TGDS: variants seen among roughly 807,000 people sequenced by gnomAD.
The protein encoded by TGDS is TDP-glucose 4,6-dehydratase.
A neutral mutation model predicts 52.3 loss-of-function variants in TGDS; 47 were observed. The ratio of observed to expected loss-of-function variants is 0.90; its 90% CI spans 0.71 to 1.15. TGDS has a LOEUF of 1.15. Ranked by LOEUF, TGDS falls within the 50% of genes most tolerant of loss-of-function variation. The pLI, the probability that TGDS is intolerant of heterozygous loss-of-function variation, is 0.00. For synonymous variants in TGDS, 115 were observed against 136.9 expected (o/e 0.84, Z 1.12); for missense variants, 375 against 418.4 (o/e 0.90, Z 0.90).
chr13:94,581,197 TAA>T lies in TGDS; in HGVS notation c.457-10_457-9del. The T allele has an allele frequency of 6.7e-7, 1 of 1,502,740 alleles. No individual in the cohort carries two copies. Among genetic ancestry groups the T allele is most frequent in the Non-Finnish European group, 9.0e-7 (1 of 1,105,268 alleles). 93.1% of individuals were successfully genotyped at this position (1,502,740 alleles called of 1,614,324 possible). A position where few individuals can be genotyped will look rare whatever the true frequency, so the allele number is the denominator to read the frequency against. On this transcript the variant is annotated splice_polypyrimidine_tract_variant and intron_variant, in intron 5 of 11. Transcript: ENST00000261296. Reference sequence around the variant, plus strand: ...TGAAGATTCATCAAATTCCTATTTTTAAAAATATATATTTAAAAAAGTGTTAT... The same window carrying T: ...TGAAGATTCATCAAATTCCTATTTTTAAATATATATTTAAAAAAGTGTTAT...
chr13:94,594,770 CGGA>C (rs1248785492), intron 1 of TGDS, among the ~76,000 whole-genome samples: 2 of 152,098 alleles, frequency 1.3e-5, no homozygotes, highest in African/African-American at 4.8e-5. Flanking sequence ...AATGACTTGT[CGGA>C]TTAGAAGGGG....
Position 94,583,074 on chromosome 13 carries a change from T to G in TGDS, c.456+20A>C, listed in dbSNP as rs1475452169. 3 of 1,609,274 alleles carry G rather than the reference T, an allele frequency of 1.9e-6. No individual in the cohort carries two copies. The South Asian group carries it at 3.3e-5, about 18-fold the overall frequency. Reference sequence around the variant, plus strand: ...ATGGTACATGGTTAAGTAGGTAAAATATACATTTTCTAAGCTCACCTTATC... The same window carrying G: ...ATGGTACATGGTTAAGTAGGTAAAAGATACATTTTCTAAGCTCACCTTATC... On this transcript the variant is annotated intron_variant, in intron 5 of 11. Coordinates refer to ENST00000261296, the MANE Select transcript of TGDS (RefSeq NM_014305.4).
intron 4 of TGDS, among the ~76,000 whole-genome samples, chr13:94,587,515 C>T (rs1324801596): frequency 1.3e-5 from 2 of 151,922 alleles, no homozygotes; most frequent in African/African-American, 4.8e-5. Flanking sequence ...CAAAAGCATA[C>T]GTATATAAAC....
chr13:94,574,745 T>G lies in TGDS; in HGVS notation c.*37A>C, dbSNP rs746258801. On this transcript the variant is annotated 3_prime_UTR_variant, in exon 12 of 12. Transcript: ENST00000261296. ...ACCACTTGGCGAGGTAGGATAACTT[T>G]CTTCTTTGACAACTGTCTCGACTAT... 7.3e-7 allele frequency: 1 copy of G among 1,368,766 alleles called. No individual in the cohort carries two copies. The highest frequency in any genetic ancestry group is 1.0e-6 in the Non-Finnish European group (1 of 972,924). The allele number at this position is 1,368,766 out of a possible 1,614,324, so 84.8% of individuals were successfully genotyped here.
intron 2 of TGDS, 83 bp from the exon 3 acceptor site, chr13:94,592,392 A>G: frequency 9.6e-7 from 1 of 1,039,486 alleles, no homozygotes; most frequent in Non-Finnish European, 1.4e-6. Context: ...TTTAAAGACT[A>G]CAGATGTTAC....
chr13:94,583,031 G>T, intron 5 of TGDS, 63 bp downstream of exon 5: 2 of 1,562,176 alleles, frequency 1.3e-6, no homozygotes, highest in East Asian at 2.2e-5. Context: ...CCCAGTGTAG[G>T]TTTAATAAAA....
At chr13:94,583,575 A>C (rs924457718) in intron 4 of TGDS, among the ~76,000 whole-genome samples, 1 of 152,222 alleles carries the variant, frequency 6.6e-6, no homozygotes, top group Non-Finnish European at 1.5e-5. Flanking sequence ...TTTTAAGATC[A>C]ATCTGTTACT....
chr13:94,588,387 C>T (rs1889074175), intron 4 of TGDS, among the ~76,000 whole-genome samples: 1 of 123,830 alleles, frequency 8.1e-6, no homozygotes. Flanking sequence ...CATGCCATTG[C>T]ACTCCAGCCT....
chr13:94,581,536 C>T (rs1469446539), intron 5 of TGDS, among the ~76,000 whole-genome samples: 1 of 152,190 alleles, frequency 6.6e-6, no homozygotes. Flanking sequence ...TGATTTTGAG[C>T]AGAGTAATGC....
intron 1 of TGDS, 30 bp downstream of exon 1, chr13:94,596,021 C>A: frequency 6.2e-7 from 1 of 1,613,532 alleles, no homozygotes; most frequent in South Asian, 1.1e-5. Flanking sequence ...TCTGGGGAGC[C>A]ACTGCTTGGC....
intron 10 of TGDS, among the ~76,000 whole-genome samples, chr13:94,576,781 A>G (rs550119230): frequency 6.6e-6 from 1 of 152,318 alleles, no homozygotes; most frequent in East Asian, 1.9e-4. Flanking sequence ...CACATTATAA[A>G]TAAGTGTTAG....
Position 94,574,380 on chromosome 13 carries a change from C to A in TGDS, c.*402G>T, listed in dbSNP as rs183516782. The A allele has an allele frequency of 1.6e-3, 253 of 157,528 alleles. 1 individual carries two copies. The highest frequency in any genetic ancestry group is 2.7e-3 in the Non-Finnish European group (197 of 71,798). The allele number at this position is 157,528 out of a possible 1,614,324, so 9.8% of individuals were successfully genotyped here. A position where few individuals can be genotyped will look rare whatever the true frequency, so the allele number is the denominator to read the frequency against. On this transcript the variant is annotated 3_prime_UTR_variant, in exon 12 of 12. Coordinates refer to ENST00000261296, the MANE Select transcript of TGDS (RefSeq NM_014305.4). Reference sequence around the variant, plus strand: ...TAAAAAAGAAATGGTGAATTAGGGCCTAAGACATCCTATATTGCCTAAAAA... The same window carrying A: ...TAAAAAAGAAATGGTGAATTAGGGCATAAGACATCCTATATTGCCTAAAAA...
chr13:94,577,573 C>T, intron 9 of TGDS, 144 bp from the exon 10 acceptor site: 1 of 617,322 alleles, frequency 1.6e-6, no homozygotes, highest in Non-Finnish European at 2.7e-6. Flanking sequence ...GTAACACTTT[C>T]TATACTTTAT....
rs771002382 is a variant in TGDS, at chr13:94,596,100, G to A, written c.37C>T (p.Pro13Ser). Residue 13 changes from proline to serine, a missense_variant, in exon 1 of 12, where the codon CCC becomes TCC. Pro to Ser is a moderately conservative substitution (Grantham distance 74, BLOSUM62 -1). Transcript: ENST00000261296. Reference protein sequence around the residue: ...AACWEEPWGLPGGFAKRVLVT... With the variant: ...AACWEEPWGLSGGFAKRVLVT... Reference sequence around the variant, plus strand: ...AGGACCCGCTTCGCAAAGCCGCCGGGAAGACCCCACGGTTCCTCCCAACAC... The same window carrying A: ...AGGACCCGCTTCGCAAAGCCGCCGGAAAGACCCCACGGTTCCTCCCAACAC... 2 of 1,614,024 alleles carry A rather than the reference G, an allele frequency of 1.2e-6. No homozygotes were observed. The highest frequency in any genetic ancestry group is 2.7e-5 in the African/African-American group (2 of 74,902).
rs1396539731 is a variant in TGDS at position 94,587,725 on chromosome 13, C to T, written c.313+3128G>A. ...TTCTTAATCAAGACAGAGCCGGGTG[C>T]GGTGGCTCACGCCTGTAATCCCAGA... On this transcript the variant is annotated intron_variant, in intron 4 of 11. Transcript: ENST00000261296. Among the ~76,000 whole-genome samples the T allele has an allele frequency of 4.6e-5, 7 of 152,226 alleles. No individual in the cohort carries two copies. The South Asian group carries it at 6.2e-4, about 14-fold the overall frequency.
intron 1 of TGDS, among the ~76,000 whole-genome samples, chr13:94,595,253 G>A (rs1383603054): frequency 6.6e-6 from 1 of 152,176 alleles, no homozygotes; most frequent in Non-Finnish European, 1.5e-5. Flanking sequence ...AAGCATGGCA[G>A]GTACAGAAAA....
intron 7 of TGDS, 52 bp from the exon 8 acceptor site, chr13:94,578,825 G>T: frequency 1.8e-6 from 2 of 1,123,588 alleles, no homozygotes; most frequent in Non-Finnish European, 2.6e-6. Flanking sequence ...TCATTAGTAT[G>T]AATCTGAACT....
At chr13:94,589,245 A>AT (rs1323518105) in intron 4 of TGDS, among the ~76,000 whole-genome samples, 2 of 151,840 alleles carry the variant, frequency 1.3e-5, no homozygotes, top group South Asian at 2.1e-4. Flanking sequence ...TCTACTTGCC[A>AT]TTTTTTCTCA....
intron 11 of TGDS, among the ~76,000 whole-genome samples, chr13:94,575,285 CTTTTTTT>C (rs66717082): frequency 1.8e-5 from 2 of 113,204 alleles, no homozygotes; most frequent in South Asian, 2.9e-4. Context: ...AACTTCCTTG[CTTTTTTT>C]TTTTTTTTTT....
Sources: gnomAD v4.1 joint callset for allele counts (sites outside exome capture counted in the v4.1 genomes callset) on GRCh38, gnomAD v4.1.1 for gene constraint, MANE v1.5 for transcripts, NCBI Gene and HGNC (gene_info 2026-07-23, HGNC 2026-07-21) for gene names.